The following MGAT5B variants were observed in gnomAD, a reference collection of about 807,000 sequenced individuals.
MGAT5B encodes the protein N-acetylglucosaminyl-transferase Vb.
MGAT5B carries 54 observed loss-of-function variants against 95.1 expected under a neutral mutation model. The observed-to-expected ratio is 0.57, with a 90% confidence interval of 0.46 to 0.71. The LOEUF (loss-of-function observed/expected upper bound fraction) is 0.71. MGAT5B is among the 30% of genes least tolerant of loss of function. The pLI, the probability that MGAT5B is intolerant of heterozygous loss-of-function variation, is 0.00. For synonymous variants in MGAT5B, 464 were observed against 451.0 expected, an observed-to-expected ratio of 1.03 and a Z score of -0.36; for missense variants, 935 against 1,088.6, an observed-to-expected ratio of 0.86 and a Z score of 1.99.
chr17:76,896,389 G>A (rs777964265), intron 3 of MGAT5B, among the ~76,000 whole-genome samples: 17 of 152,184 alleles, frequency 1.1e-4, no homozygotes, highest in Non-Finnish European at 2.2e-4. Context: ...CTGTGCTGGC[G>A]ATGGGTTTTA....
intron 10 of MGAT5B, among the ~76,000 whole-genome samples, chr17:76,928,487 A>G (rs1567818758): frequency 6.6e-6 from 1 of 152,066 alleles, no homozygotes; most frequent in South Asian, 2.1e-4. Flanking sequence ...CAGGCGGATC[A>G]TGAGGTCAGA....
chr17:76,943,094 G>A lies in MGAT5B; in HGVS notation c.1848+2246G>A, dbSNP rs1207132618. On this transcript the variant is annotated intron_variant, in intron 15 of 17. Coordinates refer to ENST00000569840, the MANE Select transcript of MGAT5B (RefSeq NM_001199172.2). ...AGGGCTGTGTGCATGAAGGTGCTGC[G>A]ATAGTCGCGGGTATTTCTGGTGGGA... Among the ~76,000 whole-genome samples the A allele has an allele frequency of 4.6e-5, 7 of 152,126 alleles. No homozygotes were observed. In the East Asian group the frequency reaches 1.2e-3, roughly 25 times the overall value.
rs1194209214 is a variant in MGAT5B, at chr17:76,948,939, A to AC, written c.*108dup. On this transcript the variant is annotated 3_prime_UTR_variant, in exon 18 of 18. Transcript: ENST00000569840. ...GCCCTGGCTGCTTGTCCTCCTCGCA[A>AC]CCCCCCCAGGCCGGAGCTTCCTTCC... The AC allele has an allele frequency of 2.9e-5, 38 of 1,292,314 alleles. No homozygotes were observed. The highest frequency in any genetic ancestry group is 4.5e-5 in the Admixed American group (2 of 44,210). 80.1% of individuals were successfully genotyped at this position (1,292,314 alleles called of 1,614,324 possible).
Position 76,916,780 on chromosome 17 carries a change from T to C in MGAT5B, c.1026-8186T>C, listed in dbSNP as rs552432429. On this transcript the variant is annotated intron_variant, in intron 8 of 17. Coordinates refer to ENST00000569840, the MANE Select transcript of MGAT5B (RefSeq NM_001199172.2). The surrounding 1 kb of genome is among the most constrained non-coding windows in gnomAD (Gnocchi z 5.3). ...AGAAGGGATGAGGGGACCAGTGTTCTTCCTCTGCCAAGGACAGACCAAGAG... is the reference window on the plus strand; with the variant it reads ...AGAAGGGATGAGGGGACCAGTGTTCCTCCTCTGCCAAGGACAGACCAAGAG... Among the ~76,000 whole-genome samples, 2 of 152,278 alleles carry C rather than the reference T, an allele frequency of 1.3e-5. No individual in the cohort carries two copies. Among genetic ancestry groups the C allele is most frequent in the Admixed American group, 1.3e-4 (2 of 15,288 alleles).
intron 3 of MGAT5B, among the ~76,000 whole-genome samples, chr17:76,887,559 CT>C (rs368014884): frequency 0.37 from 35,847 of 98,112 alleles, 8,311 homozygotes; most frequent in African/African-American, 0.6. Context: ...TTTTTCTTTT[CT>C]TTTTTTTTTT....
intron 2 of MGAT5B, among the ~76,000 whole-genome samples, chr17:76,877,891 G>A (rs1188735115): frequency 5.9e-5 from 9 of 151,534 alleles, no homozygotes; most frequent in South Asian, 2.1e-4. Context: ...GGGAGGAGAC[G>A]GGGCCTCGGT....
At position 76,912,864 on chromosome 17, in the gene MGAT5B, C is replaced by T. The variant is rs558652570; in HGVS notation, c.1025+6677C>T. ...CCTGCCCAGCCGCTGCATCCTGAGA[C>T]GGCCTCGTGCATGTGCAGGTCCAGG... is the stretch of plus-strand genomic sequence containing the variant. On this transcript the variant is annotated intron_variant, in intron 8 of 17. Coordinates refer to ENST00000569840, the MANE Select transcript of MGAT5B (RefSeq NM_001199172.2). The surrounding 1 kb of genome is among the most constrained non-coding windows in gnomAD (Gnocchi z 5.0). Among the ~76,000 whole-genome samples the T allele has an allele frequency of 3.9e-5, 6 of 152,210 alleles. No individual in the cohort carries two copies. The highest frequency in any genetic ancestry group is 6.5e-5 in the Admixed American group (1 of 15,278).
intron 3 of MGAT5B, among the ~76,000 whole-genome samples, chr17:76,888,072 C>T (rs920091033): frequency 3.3e-5 from 5 of 152,214 alleles, no homozygotes; most frequent in East Asian, 3.9e-4. Context: ...GTGGTAATGA[C>T]ACCACACACA....
chr17:76,890,116 C>A (rs1450078997), intron 3 of MGAT5B, among the ~76,000 whole-genome samples: 5 of 152,244 alleles, frequency 3.3e-5, no homozygotes, highest in Non-Finnish European at 7.3e-5. Context: ...AGAACCCAGG[C>A]CCCACAGAGT....
Position 76,948,047 on chromosome 17 carries a change from C to A in MGAT5B, c.2141C>A (p.Ser714Tyr), listed in dbSNP as rs1279493529. The change falls in exon 17 of 18, where the codon TCC becomes TAC. Residue 714 changes from serine (S) to tyrosine (Y), a missense_variant. By Grantham distance (144) the Ser-to-Tyr change is moderately radical (BLOSUM62 -2). Transcript: ENST00000569840. The part of the protein sequence containing the change: ...CLDHGLICEP[S>Y]FFPFLNSQDA... The stretch of plus-strand genomic sequence containing the variant: ...GACCACGGGCTAATCTGTGAGCCCT[C>A]CTTCTTCCCCTTCCTGAACAGCCAG... 1 of 1,611,840 alleles carries A rather than the reference C, an allele frequency of 6.2e-7. No homozygotes were observed. Among genetic ancestry groups the A allele is most frequent in the Non-Finnish European group, 8.5e-7 (1 of 1,179,000 alleles).
intron 3 of MGAT5B, among the ~76,000 whole-genome samples, chr17:76,901,700 C>T (rs899126642): frequency 4.6e-5 from 7 of 152,180 alleles, no homozygotes; most frequent in South Asian, 2.1e-4. Context: ...GATAATTTAC[C>T]GGAGTTTTAA....
intron 8 of MGAT5B, among the ~76,000 whole-genome samples, chr17:76,908,557 G>A (rs941747575): frequency 1.3e-5 from 2 of 151,652 alleles, no homozygotes; most frequent in African/African-American, 2.4e-5. Flanking sequence ...ATGAGCCACC[G>A]TGCTTGGCTT....
chr17:76,928,265 T>C (rs1388025787), intron 10 of MGAT5B, among the ~76,000 whole-genome samples: 1 of 151,904 alleles, frequency 6.6e-6, no homozygotes, highest in Non-Finnish European at 1.5e-5. Context: ...GAAGAGTGCT[T>C]GGGGTAGAGC....
At chr17:76,932,567 G>A in intron 10 of MGAT5B, 78 bp from the exon 11 acceptor site, 1 of 1,589,186 alleles carries the variant, frequency 6.3e-7, no homozygotes, top group East Asian at 2.3e-5. Context: ...GGACCTCTTG[G>A]GCGGGGCAGT....
chr17:76,914,492 T>C lies in MGAT5B; in HGVS notation c.1025+8305T>C, dbSNP rs1026230836. Among the ~76,000 whole-genome samples, 3 of 152,144 alleles carry C rather than the reference T, an allele frequency of 2.0e-5. No homozygotes were observed. Among genetic ancestry groups the C allele is most frequent in the Non-Finnish European group, 4.4e-5 (3 of 68,024 alleles). ...AAGGCTGGAAGTCTGAAATCAAGAC[T>C]CCCTCTGAAGGCACTAGGGAAGCGT... On this transcript the variant is annotated intron_variant, in intron 8 of 17. Coordinates refer to ENST00000569840, the MANE Select transcript of MGAT5B (RefSeq NM_001199172.2). This position sits in a 1 kb window ranked among gnomAD's most constrained non-coding sequence, Gnocchi z 5.1.
At chr17:76,921,971 T>C (rs1259643273) in intron 8 of MGAT5B, among the ~76,000 whole-genome samples, 2 of 152,200 alleles carry the variant, frequency 1.3e-5, no homozygotes, top group East Asian at 3.8e-4. Context: ...ATGATGCTTG[T>C]GTCCAAAACG....
At chr17:76,943,444 C>T (rs919470799) in intron 15 of MGAT5B, among the ~76,000 whole-genome samples, 7 of 152,096 alleles carry the variant, frequency 4.6e-5, no homozygotes, top group Middle Eastern at 3.4e-3. Flanking sequence ...AAGAGTCACC[C>T]GGGGGGAGGG....
chr17:76,928,083 CAGA>C (rs763277982), intron 10 of MGAT5B, among the ~76,000 whole-genome samples: 3 of 152,036 alleles, frequency 2.0e-5, no homozygotes, highest in South Asian at 4.1e-4. Flanking sequence ...CATTGAATCC[CAGA>C]AGGTTGGGAA....
Position 76,938,193 on chromosome 17 carries a change from T to C in MGAT5B, c.1584+50T>C, listed in dbSNP as rs376107112. On this transcript the variant is annotated intron_variant, in intron 13 of 17. Coordinates refer to ENST00000569840, the MANE Select transcript of MGAT5B (RefSeq NM_001199172.2). The surrounding 1 kb of genome is among the most constrained non-coding windows in gnomAD (Gnocchi z 4.3). The stretch of plus-strand genomic sequence containing the variant: ...TCTCACACTTGCCGGCTGCAGACAC[T>C]GAGGTCACCACCCATGCCTGCCACC... The C allele has an allele frequency of 6.9e-6, 11 of 1,601,792 alleles. No individual in the cohort carries two copies. In the African/African-American group the frequency reaches 9.4e-5, roughly 14 times the overall value.
Sources: gnomAD v4.1 joint callset for allele counts (sites outside exome capture counted in the v4.1 genomes callset) on GRCh38, gnomAD v4.1.1 for gene constraint, Gnocchi (gnomAD v3.1) non-coding constraint, MANE v1.5 for transcripts, NCBI Gene and HGNC (gene_info 2026-07-23, HGNC 2026-07-21) for gene names.